TLE4: variants seen among roughly 807,000 people sequenced by gnomAD.
The protein encoded by TLE4 is TLE family member 4, transcriptional corepressor.
Under a neutral mutation model 92.8 loss-of-function variants are expected in TLE4, and 8 were observed. The ratio of observed to expected loss-of-function variants is 0.09; its 90% CI spans 0.05 to 0.16. The LOEUF is 0.16. Ranked by LOEUF, TLE4 falls within the 10% of genes least tolerant of loss-of-function variation. The probability of loss-of-function intolerance (pLI) is 1.00; values close to 1 mark genes in which losing one functional copy is unlikely to be tolerated. For missense variants in TLE4, 675 were observed against 997.6 expected (o/e 0.68, Z 4.36); for synonymous variants, 371 against 374.1 (o/e 0.99, Z 0.10).
Position 79,706,790 on chromosome 9 carries a change from A to G in TLE4, c.827A>G (p.Glu276Gly). Residue 276 changes from glutamate to glycine, a missense_variant, in exon 11 of 20, where the codon GAG (glutamate) becomes GGG (glycine). Around this residue, in one of 5 missense-constraint regions of TLE4, gnomAD observed 280 missense variants for 287.3 expected, o/e 0.97. Transcript: ENST00000376552. ...GGGAGCCCAGCACATTCCCCCAGAG[A>G]GAATGGCCTAGACAAGACACGCCTG... Reference protein sequence around the residue: ...PRGSPAHSPRENGLDKTRLLK... With the variant: ...PRGSPAHSPRGNGLDKTRLLK... 1.9e-6 allele frequency: 3 copies of G among 1,614,124 alleles called. No homozygotes were observed. Among genetic ancestry groups the G allele is most frequent in the Non-Finnish European group, 1.7e-6 (2 of 1,180,018 alleles).
chr9:79,622,636 A>C (rs1004591032), intron 5 of TLE4, among the ~76,000 whole-genome samples: 1 of 152,122 alleles, frequency 6.6e-6, no homozygotes, highest in African/African-American at 2.4e-5. Context: ...GTTTTCCTTG[A>C]TAGAGTTTAA....
intron 4 of TLE4, among the ~76,000 whole-genome samples, chr9:79,606,060 G>T (rs892542419): frequency 6.6e-6 from 1 of 152,022 alleles, no homozygotes; most frequent in African/African-American, 2.4e-5. Context: ...AGTAGGATGG[G>T]CAGAGCTTTT....
chr9:79,724,534 C>T (rs999222037), intron 19 of TLE4, among the ~76,000 whole-genome samples: 3 of 152,008 alleles, frequency 2.0e-5, no homozygotes, highest in African/African-American at 7.2e-5. Context: ...AGGGTGGATC[C>T]GATCCACCTC....
intron 5 of TLE4, among the ~76,000 whole-genome samples, chr9:79,626,916 C>T (rs752962119): frequency 1.3e-5 from 2 of 152,056 alleles, no homozygotes; most frequent in African/African-American, 2.4e-5. Flanking sequence ...TATGTCCTTC[C>T]GGTGTCTTCG....
chr9:79,588,132 T>TTGTGTGTGTG (rs1293431739), intron 4 of TLE4, among the ~76,000 whole-genome samples: 1 of 91,802 alleles, frequency 1.1e-5, no homozygotes, highest in African/African-American at 6.5e-5. Context: ...TTGTTTATCC[T>TTGTGTGTGTG]TGCGTGTGTG....
At chr9:79,576,204 A>C (rs778271254) in intron 4 of TLE4, 27 bp downstream of exon 4, 12 of 1,489,604 alleles carry the variant, frequency 8.1e-6, no homozygotes, top group Middle Eastern at 1.7e-4. Context: ...TAACCATTTT[A>C]AATGACAGTA....
At chr9:79,598,846 C>G (rs975946009) in intron 4 of TLE4, among the ~76,000 whole-genome samples, 1 of 152,246 alleles carries the variant, frequency 6.6e-6, no homozygotes, top group Non-Finnish European at 1.5e-5. Flanking sequence ...TCTTCCCCCC[C>G]CAGATTATAA....
intron 6 of TLE4, among the ~76,000 whole-genome samples, chr9:79,645,019 T>TG (rs1051203504): frequency 1.3e-5 from 2 of 152,176 alleles, no homozygotes; most frequent in Admixed American, 1.3e-4. Context: ...CCTATTTTCT[T>TG]GGGGTACCAA....
intron 8 of TLE4, among the ~76,000 whole-genome samples, chr9:79,697,548 A>G (rs1221001458): frequency 1.3e-5 from 2 of 152,140 alleles, no homozygotes; most frequent in Non-Finnish European, 2.9e-5. Context: ...GCATCAAAGC[A>G]TCATGTCCCA....
intron 8 of TLE4, among the ~76,000 whole-genome samples, chr9:79,678,051 C>T (rs781558748): frequency 2.6e-5 from 4 of 152,034 alleles, no homozygotes; most frequent in Non-Finnish European, 5.9e-5. Context: ...AAATTCAGTA[C>T]GCTGTTTTAT....
chr9:79,724,881 A>AAAAAAAAG (rs71364489), intron 19 of TLE4, among the ~76,000 whole-genome samples, 156 bp from the exon 20 acceptor site: 1 of 147,942 alleles, frequency 6.8e-6, no homozygotes, highest in Admixed American at 7.0e-5. Flanking sequence ...AAAAAAAAAA[A>AAAAAAAAG]GCAGCAGTAC....
chr9:79,709,861 A>C (rs1465769237), intron 14 of TLE4, among the ~76,000 whole-genome samples, 162 bp downstream of exon 14: 1 of 152,246 alleles, frequency 6.6e-6, no homozygotes, highest in Non-Finnish European at 1.5e-5. Flanking sequence ...CAAGAAGAGA[A>C]GTAATGAAGT....
intron 4 of TLE4, among the ~76,000 whole-genome samples, chr9:79,603,419 C>T (rs1258817244): frequency 6.6e-6 from 1 of 152,108 alleles, no homozygotes; most frequent in East Asian, 1.9e-4. Context: ...TGAGCCAAAA[C>T]CCTCTGTCAG....
intron 8 of TLE4, among the ~76,000 whole-genome samples, chr9:79,670,903 A>G (rs1005742344): frequency 1.3e-5 from 2 of 151,834 alleles, no homozygotes; most frequent in Non-Finnish European, 2.9e-5. Context: ...AGTGTACAGT[A>G]TGAGTAATTT....
chr9:79,700,982 A>C (rs1330973471), intron 8 of TLE4, among the ~76,000 whole-genome samples: 6 of 152,224 alleles, frequency 3.9e-5, no homozygotes, highest in Non-Finnish European at 8.8e-5. Context: ...GAAATATCTA[A>C]ATTGAGCTTT....
At chr9:79,590,967 G>A (rs1024108707) in intron 4 of TLE4, among the ~76,000 whole-genome samples, 2 of 152,178 alleles carry the variant, frequency 1.3e-5, no homozygotes, top group Non-Finnish European at 2.9e-5. Context: ...CATTGGGAGG[G>A]TTACTTGGTT....
chr9:79,710,421 G>T (rs995958742), intron 14 of TLE4, among the ~76,000 whole-genome samples: 4 of 152,050 alleles, frequency 2.6e-5, no homozygotes, highest in African/African-American at 9.7e-5. Context: ...AGCCTCCCCC[G>T]CAGATCCTCC....
chr9:79,698,178 C>T (rs2068779368), intron 8 of TLE4, among the ~76,000 whole-genome samples: 1 of 152,178 alleles, frequency 6.6e-6, no homozygotes, highest in African/African-American at 2.4e-5. Context: ...TGAATTTTCC[C>T]AAGGTCACAT....
intron 8 of TLE4, among the ~76,000 whole-genome samples, chr9:79,664,430 C>A (rs952378669): frequency 1.3e-5 from 2 of 152,166 alleles, no homozygotes; most frequent in African/African-American, 4.8e-5. Flanking sequence ...TGGCCCAGCC[C>A]CCGCCTCAGG....
Sources: allele counts gnomAD v4.1 joint callset (sites outside exome capture counted in the v4.1 genomes callset), GRCh38; gene constraint gnomAD v4.1.1; regional missense constraint gnomAD v4.1.1; transcripts MANE v1.5; gene names NCBI Gene and HGNC (gene_info 2026-07-23, HGNC 2026-07-21).